BRPF3: variants seen among roughly 807,000 people sequenced by gnomAD.
BRPF3 encodes the protein bromodomain and PHD finger-containing protein 3.
Under a neutral mutation model 102.0 loss-of-function variants are expected in BRPF3, and 18 were observed. The ratio of observed to expected loss-of-function variants is 0.18; its 90% CI spans 0.12 to 0.26. The LOEUF is 0.26. BRPF3 is among the 10% of genes least tolerant of loss of function. BRPF3 has a pLI of 1.00. For synonymous variants in BRPF3, 570 were observed against 614.2 expected (o/e 0.93, Z 1.06); for missense variants, 1,147 against 1,567.8 (o/e 0.73, Z 4.53).
chr6:36,202,499 AG>A (rs578109370), intron 2 of BRPF3, among the ~76,000 whole-genome samples: 176 of 128,290 alleles, frequency 1.4e-3, no homozygotes, highest in African/African-American at 4.7e-3. Flanking sequence ...GAACCATTGG[AG>A]GGATGGGAGC....
At position 36,201,385 on chromosome 6, in the gene BRPF3, C is replaced by T. The variant is rs762865271; in HGVS notation, c.1063C>T (p.Arg355Trp). ...AGCATTCCATGTGACATGTGCACAG[C>T]GGGCTGGGCTCTTCATGAAGATTGA... Reference protein sequence around the residue: ...YTAFHVTCAQRAGLFMKIEPM... With the variant: ...YTAFHVTCAQWAGLFMKIEPM... Residue 355 changes from arginine to tryptophan, a missense_variant, in exon 2 of 13, where the codon CGG becomes TGG. Around this residue, in one of 11 missense-constraint regions of BRPF3, gnomAD observed 44 missense variants for 101.4 expected, o/e 0.43. Coordinates refer to ENST00000357641, the MANE Select transcript of BRPF3 (RefSeq NM_015695.3). This position sits in a 1 kb window ranked among gnomAD's most constrained non-coding sequence, Gnocchi z 5.1. The T allele has an allele frequency of 3.7e-6, 6 of 1,614,114 alleles. No individual in the cohort carries two copies. Among genetic ancestry groups the T allele is most frequent in the East Asian group, 2.2e-5 (1 of 44,878 alleles).
chr6:36,213,426 G>T (rs1768202470), intron 7 of BRPF3, among the ~76,000 whole-genome samples: 1 of 152,164 alleles, frequency 6.6e-6, no homozygotes, highest in Non-Finnish European at 1.5e-5. Flanking sequence ...GGGTACAGTG[G>T]CTCATCCCTG....
chr6:36,221,382 G>GGC (rs1768537928), intron 9 of BRPF3, among the ~76,000 whole-genome samples: 2 of 148,864 alleles, frequency 1.3e-5, no homozygotes, highest in Non-Finnish European at 3.0e-5. Context: ...CAACTCCCTG[G>GGC]TTCAAGTGAT....
intron 6 of BRPF3, 109 bp from the exon 7 acceptor site, chr6:36,211,149 G>A (rs1768090840): frequency 1.6e-6 from 2 of 1,267,062 alleles, no homozygotes. Flanking sequence ...GAAGCTGCTG[G>A]CCCAGGCATT....
chr6:36,226,079 C>T (rs1768729834), intron 11 of BRPF3, among the ~76,000 whole-genome samples: 1 of 152,190 alleles, frequency 6.6e-6, no homozygotes. Flanking sequence ...ATATTTTAAC[C>T]ATTCCCTAGT....
intron 9 of BRPF3, among the ~76,000 whole-genome samples, chr6:36,218,541 C>A (rs1412441008): frequency 1.3e-5 from 2 of 150,142 alleles, no homozygotes; most frequent in African/African-American, 2.5e-5. Context: ...CTCACTGCAA[C>A]CTCCGCCTCC....
intron 4 of BRPF3, among the ~76,000 whole-genome samples, chr6:36,208,607 A>T (rs1033226463): frequency 2.0e-5 from 3 of 152,146 alleles, no homozygotes; most frequent in African/African-American, 7.2e-5. Flanking sequence ...CTCATGCCAT[A>T]TTTACCATGG....
At chr6:36,206,457 G>A (rs184988829) in intron 3 of BRPF3, among the ~76,000 whole-genome samples, 8 of 152,314 alleles carry the variant, frequency 5.3e-5, no homozygotes, top group Middle Eastern at 3.4e-3. Context: ...CTAGGCAGGC[G>A]AAGTTAAGGC....
At position 36,201,087 on chromosome 6, in the gene BRPF3, A is replaced by G. The variant is rs1341152622; in HGVS notation, c.765A>G (p.Leu255=). The G allele has an allele frequency of 3.7e-6, 6 of 1,614,064 alleles. No homozygotes were observed. The highest frequency in any genetic ancestry group is 5.1e-6 in the Non-Finnish European group (6 of 1,180,006). ...GVPYIPEGQW[L]CRCCLQSPSR... is the part of the protein sequence containing the mutation. ...CATACATCCCTGAGGGCCAGTGGCT[A>G]TGCCGCTGCTGCCTGCAGTCTCCCT... The change falls in exon 2 of 13, where the codon CTA becomes CTG. Residue 255 remains leucine, a synonymous_variant. Transcript: ENST00000357641. The surrounding 1 kb of genome is among the most constrained non-coding windows in gnomAD (Gnocchi z 5.1).
At position 36,231,058 on chromosome 6, in the gene BRPF3, TCA is replaced by T. The variant is rs978868208; in HGVS notation, c.*453_*454del. On this transcript the variant is annotated 3_prime_UTR_variant, in exon 13 of 13. Coordinates refer to ENST00000357641, the MANE Select transcript of BRPF3 (RefSeq NM_015695.3). ...GGTCCCAGGGGGAATCTCCCCAAGC[TCA>T]CACTCTCTCCCGCTTATCGCCTATT... 1.8e-5 allele frequency: 3 copies of T among 163,748 alleles called. No homozygotes were observed. The highest frequency in any genetic ancestry group is 7.2e-5 in the African/African-American group (3 of 41,674). 10.1% of individuals were successfully genotyped at this position (163,748 alleles called of 1,614,324 possible). A position where few individuals can be genotyped will look rare whatever the true frequency, so the allele number is the denominator to read the frequency against.
chr6:36,207,379 G>A lies in BRPF3; in HGVS notation c.1672G>A (p.Asp558Asn). ...ELKYWQKLRH[D>N]LERARLLIEL... ...GAAGTATTGGCAGAAGCTCCGGCAT[G>A]ACTTGGAGCGGGCGCGGCTGCTGAT... Residue 558 changes from aspartate to asparagine, a missense_variant, in exon 4 of 13, where the codon GAC becomes AAC. This residue lies in a region of BRPF3 where 23 missense variants were observed against 54.4 expected (regional missense o/e 0.42). Transcript: ENST00000357641. 6.2e-7 allele frequency: 1 copy of A among 1,614,138 alleles called. No individual in the cohort carries two copies. Among genetic ancestry groups the A allele is most frequent in the Non-Finnish European group, 8.5e-7 (1 of 1,180,006 alleles).
At chr6:36,213,853 C>T (rs373028130) in intron 7 of BRPF3, 27 bp from the exon 8 acceptor site, 5 of 1,559,176 alleles carry the variant, frequency 3.2e-6, no homozygotes, top group African/African-American at 1.4e-5. Flanking sequence ...CTAAAATGTT[C>T]AAGCAGATTC....
In BRPF3 at chr6:36,201,169, A is replaced by G. The variant is rs146987553; in HGVS notation, c.847A>G (p.Ser283Gly). Residue 283 changes from serine to glycine, a missense_variant, in exon 2 of 13, where the codon AGT becomes GGT. Around this residue, in one of 11 missense-constraint regions of BRPF3, gnomAD observed 221 missense variants for 337.1 expected, o/e 0.66. Coordinates refer to ENST00000357641, the MANE Select transcript of BRPF3 (RefSeq NM_015695.3). This position sits in a 1 kb window ranked among gnomAD's most constrained non-coding sequence, Gnocchi z 5.1. ...PNKGGAFKQTSDGHWAHVVCA... is the reference protein window; with the variant it reads ...PNKGGAFKQTGDGHWAHVVCA... Reference sequence around the variant, plus strand: ...TAAGGGTGGCGCCTTCAAACAGACCAGTGATGGGCACTGGGCCCATGTGGT... The same window carrying G: ...TAAGGGTGGCGCCTTCAAACAGACCGGTGATGGGCACTGGGCCCATGTGGT... 22 of 1,613,994 alleles carry G rather than the reference A, an allele frequency of 1.4e-5. No homozygotes were observed. In the African/African-American group the frequency reaches 2.8e-4, roughly 21 times the overall value.
intron 1 of BRPF3, among the ~76,000 whole-genome samples, chr6:36,199,412 T>C (rs7773924): frequency 0.9 from 137,555 of 152,252 alleles, 62,286 homozygotes; most frequent in East Asian, 0.97. Flanking sequence ...GGCTGGGGAC[T>C]GCTGTCCTGG....
At chr6:36,203,372 G>A (rs1299532881) in intron 2 of BRPF3, among the ~76,000 whole-genome samples, 2 of 152,184 alleles carry the variant, frequency 1.3e-5, no homozygotes, top group East Asian at 3.8e-4. Flanking sequence ...AATAGTAAGT[G>A]CTCAATAAAT....
At chr6:36,212,676 G>A (rs768000510) in intron 7 of BRPF3, among the ~76,000 whole-genome samples, 16 of 152,076 alleles carry the variant, frequency 1.1e-4, no homozygotes, top group African/African-American at 3.9e-4. Flanking sequence ...AGTTTCGGCC[G>A]GGCGCGGTGG....
intron 4 of BRPF3, among the ~76,000 whole-genome samples, chr6:36,207,838 C>T (rs372804294): frequency 2.0e-5 from 3 of 152,190 alleles, no homozygotes; most frequent in African/African-American, 7.2e-5. Flanking sequence ...CTCTTAAACA[C>T]TTATGGTCCT....
rs758666156 is a variant in BRPF3 at position 36,207,321 on chromosome 6, G to A, written c.1614G>A (p.Gln538=). The change falls in exon 4 of 13, where the codon CAG becomes CAA. Residue 538 remains glutamine, a synonymous_variant. Coordinates refer to ENST00000357641, the MANE Select transcript of BRPF3 (RefSeq NM_015695.3). ...TCTCTTCCCTCCTGTAGCGAGAGCA[G>A]GATGAGAAGACAAGTGCAGTGAAGG... ...QSQRNAEQRE[Q]DEKTSAVKEE... The A allele has an allele frequency of 6.2e-7, 1 of 1,613,886 alleles. No individual in the cohort carries two copies. Among genetic ancestry groups the A allele is most frequent in the Admixed American group, 1.7e-5 (1 of 60,022 alleles).
At chr6:36,204,145 G>A (rs1415700384) in intron 2 of BRPF3, among the ~76,000 whole-genome samples, 2 of 152,052 alleles carry the variant, frequency 1.3e-5, no homozygotes, top group Non-Finnish European at 2.9e-5. Flanking sequence ...GGCTGTTGAG[G>A]TTTATACCAT....
Sources: gnomAD v4.1 joint callset for allele counts (sites outside exome capture counted in the v4.1 genomes callset) on GRCh38, gnomAD v4.1.1 for gene constraint, gnomAD v4.1.1 regional missense constraint, Gnocchi (gnomAD v3.1) non-coding constraint, MANE v1.5 for transcripts, NCBI Gene and HGNC (gene_info 2026-07-23, HGNC 2026-07-21) for gene names.